BLTP3B: variants seen among roughly 807,000 people sequenced by gnomAD.
The protein encoded by BLTP3B is bridge-like lipid transfer protein family member 3B.
the BLTP3B span, among the ~76,000 whole-genome samples, chr12:100,074,887 A>G: frequency 3.3e-5 from 5 of 152,324 alleles, no homozygotes; most frequent in African/African-American, 1.2e-4. Context: ...TCGCACACCT[A>G]TAACTATCTG....
chr12:100,116,623 T>C, the BLTP3B span, among the ~76,000 whole-genome samples: 1 of 152,120 alleles, frequency 6.6e-6, no homozygotes, highest in African/African-American at 2.4e-5. Context: ...ACAAAAACTC[T>C]ACAGCTAAAA....
chr12:100,037,138 A>G, the BLTP3B span: 1 of 890,606 alleles, frequency 1.1e-6, no homozygotes, highest in South Asian at 5.2e-5. Flanking sequence ...TTAAATAATT[A>G]TAGATTTAAG....
chr12:100,094,413 T>C, the BLTP3B span, among the ~76,000 whole-genome samples: 5 of 152,206 alleles, frequency 3.3e-5, no homozygotes, highest in South Asian at 2.1e-4. Context: ...CCCCTACTTA[T>C]AAAGATTTGT....
At chr12:100,133,663 G>C in the BLTP3B span, among the ~76,000 whole-genome samples, 1 of 152,178 alleles carries the variant, frequency 6.6e-6, no homozygotes, top group Non-Finnish European at 1.5e-5. Context: ...CCTTCTCTGA[G>C]ATAGGAACAA....
At chr12:100,098,369 C>T in the BLTP3B span, 1 of 1,602,112 alleles carries the variant, frequency 6.2e-7, no homozygotes, top group East Asian at 2.2e-5. Flanking sequence ...CTCTGTGGAT[C>T]CTGAATACGA....
the BLTP3B span, among the ~76,000 whole-genome samples, chr12:100,053,655 T>TA: frequency 6.6e-6 from 1 of 152,120 alleles, no homozygotes; most frequent in South Asian, 2.1e-4. Context: ...AATACATAGA[T>TA]AAAAGCCTGG....
chr12:100,037,130 A>G, the BLTP3B span: 6 of 890,172 alleles, frequency 6.7e-6, no homozygotes, highest in Non-Finnish European at 8.1e-6. Context: ...TACAATAATT[A>G]AATAATTATA....
chr12:100,093,296 C>T, the BLTP3B span, among the ~76,000 whole-genome samples: 2 of 152,146 alleles, frequency 1.3e-5, no homozygotes, highest in African/African-American at 4.8e-5. Context: ...TTTATGGCTA[C>T]AGGCTCTAGA....
chr12:100,131,391 C>T, the BLTP3B span, among the ~76,000 whole-genome samples: 1 of 151,030 alleles, frequency 6.6e-6, no homozygotes, highest in Non-Finnish European at 1.5e-5. Context: ...TAAAGATTTA[C>T]AAATAGACAA....
At chr12:100,111,002 T>C in the BLTP3B span, among the ~76,000 whole-genome samples, 1 of 152,104 alleles carries the variant, frequency 6.6e-6, no homozygotes, top group East Asian at 1.9e-4. Context: ...ACACCTTGAT[T>C]GGGTATGTAC....
At chr12:100,038,050 GC>G in the BLTP3B span, among the ~76,000 whole-genome samples, 1 of 152,124 alleles carries the variant, frequency 6.6e-6, no homozygotes, top group African/African-American at 2.4e-5. Flanking sequence ...TTTAGACATT[GC>G]TGAGCTACAC....
At chr12:100,095,926 T>C in the BLTP3B span, 4 of 1,186,752 alleles carry the variant, frequency 3.4e-6, no homozygotes, top group Non-Finnish European at 4.6e-6. Context: ...AAAACGTTTT[T>C]GAATAGAAAT....
At chr12:100,075,384 T>A in the BLTP3B span, among the ~76,000 whole-genome samples, 4 of 152,026 alleles carry the variant, frequency 2.6e-5, no homozygotes, top group Admixed American at 2.0e-4. Context: ...ACTATAAAAG[T>A]CCTAGAAGAA....
chr12:100,129,529 C>T, the BLTP3B span, among the ~76,000 whole-genome samples: 2 of 152,150 alleles, frequency 1.3e-5, no homozygotes, highest in Non-Finnish European at 2.9e-5. Context: ...TAAAACATTG[C>T]CAGGGCGATT....
chr12:100,137,481 C>T, the BLTP3B span, among the ~76,000 whole-genome samples: 1 of 152,054 alleles, frequency 6.6e-6, no homozygotes, highest in Non-Finnish European at 1.5e-5. Context: ...ATGAGACTGG[C>T]TAATTTTTGT....
chr12:100,140,719 A>ATAT, the BLTP3B span, among the ~76,000 whole-genome samples: 1 of 109,688 alleles, frequency 9.1e-6, no homozygotes, highest in African/African-American at 4.8e-5. Flanking sequence ...AAAAAAAAAA[A>ATAT]AAAAAAAAAA....
the BLTP3B span, among the ~76,000 whole-genome samples, chr12:100,124,977 TA>T: frequency 9.3e-6 from 1 of 107,824 alleles, no homozygotes; most frequent in African/African-American, 4.3e-5. Flanking sequence ...TATATATATA[TA>T]TTTATATTTA....
At chr12:100,042,113 C>A in the BLTP3B span, among the ~76,000 whole-genome samples, 1 of 152,064 alleles carries the variant, frequency 6.6e-6, no homozygotes, top group Non-Finnish European at 1.5e-5. Context: ...ATAAATAGAT[C>A]TAAATAGATG....
chr12:100,072,846 C>T, the BLTP3B span: 1 of 1,570,404 alleles, frequency 6.4e-7, no homozygotes, highest in African/African-American at 1.4e-5. Context: ...TGAAATCACA[C>T]TGAATAAAAA....
Sources: gnomAD v4.1 joint callset for allele counts (sites outside exome capture counted in the v4.1 genomes callset) on GRCh38, gnomAD v4.1.1 for gene constraint, MANE v1.5 for transcripts, NCBI Gene and HGNC (gene_info 2026-07-23, HGNC 2026-07-21) for gene names.